The following COL25A1 variants were observed in gnomAD, a reference collection of about 807,000 sequenced individuals.
The protein encoded by COL25A1 is collagen type XXV alpha 1 chain, also known as collagen alpha-1(XXV) chain.
A neutral mutation model predicts 128.4 loss-of-function variants in COL25A1; 103 were observed. The ratio of observed to expected loss-of-function variants is 0.80; its 90% CI spans 0.68 to 0.94. The LOEUF (loss-of-function observed/expected upper bound fraction) is 0.94. COL25A1 is among the 40% of genes least tolerant of loss of function. The pLI is 0.00. For synonymous variants in COL25A1, 279 were observed against 277.2 expected (o/e 1.01, Z -0.06); for missense variants, 745 against 840.0 (o/e 0.89, Z 1.40).
intron 13 of COL25A1, among the ~76,000 whole-genome samples, chr4:108,915,667 G>A (rs982880927): frequency 4.6e-5 from 7 of 151,992 alleles, no homozygotes; most frequent in Non-Finnish European, 1.0e-4. Flanking sequence ...CCTTCTGCCT[G>A]AGCGCCCCCA....
At chr4:109,152,882 C>T (rs537106071) in intron 3 of COL25A1, among the ~76,000 whole-genome samples, 57 of 151,888 alleles carry the variant, frequency 3.8e-4, no homozygotes, top group Non-Finnish European at 5.1e-4. Context: ...CGGGGGAGTA[C>T]TGAGGGGTGG....
At chr4:108,858,969 C>G (rs1292847827) in intron 24 of COL25A1, among the ~76,000 whole-genome samples, 1 of 151,888 alleles carries the variant, frequency 6.6e-6, no homozygotes, top group Non-Finnish European at 1.5e-5. Context: ...GAAGATGCAA[C>G]AGAATGATGA....
chr4:108,864,935 T>C (rs958351860), intron 20 of COL25A1, among the ~76,000 whole-genome samples: 1 of 152,234 alleles, frequency 6.6e-6, no homozygotes, highest in African/African-American at 2.4e-5. Context: ...TGGGTAAAAC[T>C]GATGGTACTC....
At chr4:109,007,888 G>C (rs959156885) in intron 6 of COL25A1, among the ~76,000 whole-genome samples, 1 of 152,050 alleles carries the variant, frequency 6.6e-6, no homozygotes, top group African/African-American at 2.4e-5. Flanking sequence ...TTCCAGTGCT[G>C]GTTTATGATC....
chr4:109,211,789 C>G (rs377221326), intron 3 of COL25A1, among the ~76,000 whole-genome samples: 1 of 152,032 alleles, frequency 6.6e-6, no homozygotes, highest in African/African-American at 2.4e-5. Flanking sequence ...CCCTAAGGAA[C>G]CCAAAGATCC....
chr4:109,254,187 C>T (rs1202705316), intron 3 of COL25A1, among the ~76,000 whole-genome samples: 1 of 151,634 alleles, frequency 6.6e-6, no homozygotes, highest in African/African-American at 2.4e-5. Context: ...TATGTCACCA[C>T]AGCCAGAAAA....
At chr4:108,945,934 G>T (rs150260570) in intron 8 of COL25A1, among the ~76,000 whole-genome samples, 1 of 152,002 alleles carries the variant, frequency 6.6e-6, no homozygotes, top group African/African-American at 2.4e-5. Flanking sequence ...CAAAGTGCTG[G>T]GATTATAGGT....
chr4:109,141,265 G>A (rs1297450690), intron 3 of COL25A1, among the ~76,000 whole-genome samples: 2 of 152,190 alleles, frequency 1.3e-5, no homozygotes, highest in African/African-American at 2.4e-5. Context: ...AAACAGACTT[G>A]CATCCCAGAA....
chr4:108,883,815 A>T (rs1274538135), intron 19 of COL25A1, among the ~76,000 whole-genome samples: 2 of 152,210 alleles, frequency 1.3e-5, no homozygotes, highest in African/African-American at 4.8e-5. Context: ...CTTTATGGGG[A>T]TGTTAAGACT....
At chr4:109,247,939 G>T (rs1452738056) in intron 3 of COL25A1, among the ~76,000 whole-genome samples, 1 of 152,080 alleles carries the variant, frequency 6.6e-6, no homozygotes, top group Non-Finnish European at 1.5e-5. Flanking sequence ...AGAATCAAGA[G>T]AGCTTACTGT....
rs548205660 is a variant in COL25A1 at position 109,171,029 on chromosome 4, C to G, written c.368-120850G>C. 3.3e-5 allele frequency among the ~76,000 whole-genome samples: 5 copies of G among 152,230 alleles called. No individual in the cohort carries two copies. In the South Asian group the frequency reaches 1.0e-3, roughly 32 times the overall value. ...TTTTCACTTCTATATCCCTGGTCCC[C>G]TGCTCGGTACATTATTACTGATGGA... On this transcript the variant is annotated intron_variant, in intron 3 of 37. Coordinates refer to ENST00000399132, the MANE Select transcript of COL25A1 (RefSeq NM_198721.4).
At chr4:108,971,573 G>A (rs1461609631) in intron 8 of COL25A1, among the ~76,000 whole-genome samples, 1 of 152,224 alleles carries the variant, frequency 6.6e-6, no homozygotes, top group African/African-American at 2.4e-5. Context: ...AGTGCAGTGT[G>A]TCTGAAGAGG....
chr4:109,176,072 C>T (rs958113634), intron 3 of COL25A1, among the ~76,000 whole-genome samples: 8 of 152,130 alleles, frequency 5.3e-5, no homozygotes, highest in Non-Finnish European at 1.2e-4. Flanking sequence ...CTACCAGGGC[C>T]ACCCATTGAT....
chr4:109,204,570 G>A (rs1020758916), intron 3 of COL25A1, among the ~76,000 whole-genome samples: 8 of 152,130 alleles, frequency 5.3e-5, no homozygotes, highest in African/African-American at 1.9e-4. Context: ...ATATTACATT[G>A]AGATTAAATG....
At chr4:109,033,070 A>G (rs1427119195) in intron 5 of COL25A1, among the ~76,000 whole-genome samples, 1 of 152,260 alleles carries the variant, frequency 6.6e-6, no homozygotes, top group Non-Finnish European at 1.5e-5. Context: ...ACCTTCAGAA[A>G]TAAAGTCTGC....
chr4:108,833,946 A>T (rs556904167), intron 31 of COL25A1, among the ~76,000 whole-genome samples: 1 of 152,342 alleles, frequency 6.6e-6, no homozygotes, highest in South Asian at 2.1e-4. Flanking sequence ...ATCAGTCTAA[A>T]AGGAAAAGCA....
At chr4:109,069,274 T>C (rs1211034806) in intron 3 of COL25A1, among the ~76,000 whole-genome samples, 1 of 151,876 alleles carries the variant, frequency 6.6e-6, no homozygotes, top group Admixed American at 6.6e-5. Context: ...TACAGTGGCA[T>C]GATCATGGCT....
At chr4:109,016,219 A>G (rs1249567771) in intron 5 of COL25A1, among the ~76,000 whole-genome samples, 1 of 152,148 alleles carries the variant, frequency 6.6e-6, no homozygotes, top group Non-Finnish European at 1.5e-5. Context: ...GAGCCCAGAC[A>G]CTCACAACCA....
chr4:109,024,973 C>T (rs755783049), intron 5 of COL25A1, among the ~76,000 whole-genome samples: 11 of 152,152 alleles, frequency 7.2e-5, no homozygotes, highest in Non-Finnish European at 1.5e-4. Context: ...GTCATGACTC[C>T]ACATCAACTG....
Sources: allele counts gnomAD v4.1 joint callset (sites outside exome capture counted in the v4.1 genomes callset), GRCh38; gene constraint gnomAD v4.1.1; transcripts MANE v1.5; gene names NCBI Gene and HGNC (gene_info 2026-07-23, HGNC 2026-07-21).